FSTL4: variants seen among roughly 807,000 people sequenced by gnomAD.
FSTL4 encodes follistatin-related protein 4.
A neutral mutation model predicts 78.2 loss-of-function variants in FSTL4; 28 were observed. The ratio of observed to expected loss-of-function variants is 0.36; its 90% CI spans 0.27 to 0.49. The LOEUF is 0.49. Ranked by LOEUF, FSTL4 falls within the 20% of genes least tolerant of loss-of-function variation. The pLI is 0.98. For synonymous variants in FSTL4, 422 were observed against 440.5 expected (o/e 0.96, Z 0.53); for missense variants, 922 against 1,084.9 (o/e 0.85, Z 2.11).
chr5:133,830,483 C>T, the FSTL4 span, among the ~76,000 whole-genome samples: 2 of 152,194 alleles, frequency 1.3e-5, no homozygotes, highest in African/African-American at 4.8e-5. Flanking sequence ...CCTCACTGTA[C>T]TCACTCTCCC....
chr5:133,531,056 A>G (rs1759241030), intron 3 of FSTL4, among the ~76,000 whole-genome samples: 1 of 152,170 alleles, frequency 6.6e-6, no homozygotes. Flanking sequence ...GATAGGGCCG[A>G]TATTCTTCTT....
intron 3 of FSTL4, among the ~76,000 whole-genome samples, chr5:133,552,569 T>C (rs1204245024): frequency 1.3e-5 from 2 of 152,230 alleles, no homozygotes; most frequent in Non-Finnish European, 2.9e-5. Context: ...AACTCATTCA[T>C]ATTGAAATAT....
At chr5:133,703,559 C>T in the FSTL4 span, among the ~76,000 whole-genome samples, 1 of 152,196 alleles carries the variant, frequency 6.6e-6, no homozygotes, top group African/African-American at 2.4e-5. Flanking sequence ...ATAGGTTGTG[C>T]AAATGACCAG....
the FSTL4 span, among the ~76,000 whole-genome samples, chr5:133,628,959 A>G: frequency 4.6e-5 from 4 of 86,378 alleles, 1 homozygote; most frequent in African/African-American, 1.8e-4. Context: ...TCCTATTTGA[A>G]TATTTCTTTC....
the FSTL4 span, among the ~76,000 whole-genome samples, chr5:133,626,083 T>TATATATATATATTCCAC: frequency 8.5e-5 from 6 of 70,218 alleles, no homozygotes; most frequent in Non-Finnish European, 1.5e-4. Context: ...ATATATTCCA[T>TATATATATATATTCCAC]ATATATATAT....
At chr5:133,772,489 G>C in the FSTL4 span, among the ~76,000 whole-genome samples, 5 of 152,130 alleles carry the variant, frequency 3.3e-5, no homozygotes, top group Non-Finnish European at 7.4e-5. Context: ...TCTTAGTCCA[G>C]TTTGTGCTGC....
chr5:133,687,216 G>A, the FSTL4 span, among the ~76,000 whole-genome samples: 1 of 152,154 alleles, frequency 6.6e-6, no homozygotes, highest in African/African-American at 2.4e-5. Context: ...CTAAATAGGG[G>A]GGGCATGGGT....
intron 3 of FSTL4, among the ~76,000 whole-genome samples, chr5:133,503,287 C>G (rs1008983966): frequency 6.6e-6 from 1 of 152,118 alleles, no homozygotes; most frequent in Non-Finnish European, 1.5e-5. Flanking sequence ...AACCAGCACT[C>G]CAGGAAGAGG....
At position 133,361,225 on chromosome 5, in the gene FSTL4, T is replaced by C. The variant is rs1015500358; in HGVS notation, c.409+39513A>G. 2.0e-5 allele frequency among the ~76,000 whole-genome samples: 3 copies of C among 152,240 alleles called. No individual in the cohort carries two copies. The highest frequency in any genetic ancestry group is 2.9e-5 in the Non-Finnish European group (2 of 68,036). ...GGGTCGCATTCCGACCCTGCAGTGCTGGCTTCTTTCCAGAGCTTTCTAATG... is the reference window on the plus strand; with the variant it reads ...GGGTCGCATTCCGACCCTGCAGTGCCGGCTTCTTTCCAGAGCTTTCTAATG... On this transcript the variant is annotated intron_variant, in intron 4 of 15. Coordinates refer to ENST00000265342, the MANE Select transcript of FSTL4 (RefSeq NM_015082.2). The surrounding 1 kb of genome is among the most constrained non-coding windows in gnomAD (Gnocchi z 4.3).
intron 3 of FSTL4, among the ~76,000 whole-genome samples, chr5:133,508,259 T>A (rs1758652838): frequency 6.6e-6 from 1 of 152,230 alleles, no homozygotes; most frequent in African/African-American, 2.4e-5. Context: ...TGTTATTAAC[T>A]ATTATTCTGC....
rs113277616 is a variant in FSTL4, at chr5:133,559,652, T to A, written c.160+7534A>T. Among the ~76,000 whole-genome samples, 193 of 152,300 alleles carry A rather than the reference T, an allele frequency of 1.3e-3. 1 individual carries two copies. Among genetic ancestry groups the A allele is most frequent in the Non-Finnish European group, 2.4e-3 (163 of 68,022 alleles). On this transcript the variant is annotated intron_variant, in intron 3 of 15. Coordinates refer to ENST00000265342, the MANE Select transcript of FSTL4 (RefSeq NM_015082.2). ...TATGCCCAAATATTGCAATGCAACC[T>A]CTAAGGAGACCGCTAGGCAAGCACG...
the FSTL4 span, among the ~76,000 whole-genome samples, chr5:133,807,580 A>G: frequency 7.3e-4 from 111 of 152,270 alleles, no homozygotes; most frequent in African/African-American, 2.6e-3. Flanking sequence ...CACCAGCTGA[A>G]TTGTGCCTCT....
chr5:133,199,567 C>T lies in FSTL4; in HGVS notation c.2057G>A (p.Gly686Asp), dbSNP rs1019589650. ...SVTDSVLGPNGDVTGTPHTSP... is the reference protein window; with the variant it reads ...SVTDSVLGPNDDVTGTPHTSP... ...TGTGTGTGGGGTGCCTGTTACATCA[C>T]CATTGGGGCCAAGCACAGAGTCTGT... The change falls in exon 16 of 16, where the codon GGT becomes GAT. Residue 686 changes from glycine (G) to aspartate (D), a missense_variant. Gly to Asp is a moderately conservative substitution (Grantham distance 94, BLOSUM62 -1). Coordinates refer to ENST00000265342, the MANE Select transcript of FSTL4 (RefSeq NM_015082.2). This position sits in a 1 kb window ranked among gnomAD's most constrained non-coding sequence, Gnocchi z 4.4. The T allele has an allele frequency of 6.2e-7, 1 of 1,614,038 alleles. No individual in the cohort carries two copies. The highest frequency in any genetic ancestry group is 8.5e-7 in the Non-Finnish European group (1 of 1,179,916).
At chr5:133,373,878 T>C (rs1755373248) in intron 4 of FSTL4, among the ~76,000 whole-genome samples, 1 of 152,210 alleles carries the variant, frequency 6.6e-6, no homozygotes, top group Non-Finnish European at 1.5e-5. Flanking sequence ...TTGGCTTAAA[T>C]AGAACTGGTC....
intron 3 of FSTL4, among the ~76,000 whole-genome samples, chr5:133,483,868 C>G (rs912008768): frequency 8.5e-5 from 13 of 152,204 alleles, no homozygotes; most frequent in Non-Finnish European, 1.9e-4. Flanking sequence ...GCCCAGCATT[C>G]TGCACTACAG....
At chr5:133,525,795 A>G (rs1285780906) in intron 3 of FSTL4, among the ~76,000 whole-genome samples, 1 of 152,224 alleles carries the variant, frequency 6.6e-6, no homozygotes, top group African/African-American at 2.4e-5. Context: ...GAGGTCCCTC[A>G]GCTGACCAGT....
intron 3 of FSTL4, among the ~76,000 whole-genome samples, chr5:133,517,730 G>T (rs1193487780): frequency 6.6e-6 from 1 of 151,322 alleles, no homozygotes; most frequent in Non-Finnish European, 1.5e-5. Flanking sequence ...GGGTAGGCTG[G>T]CAGGCTAAAG....
At chr5:133,450,740 G>A (rs2127010315) in intron 3 of FSTL4, among the ~76,000 whole-genome samples, 1 of 152,324 alleles carries the variant, frequency 6.6e-6, no homozygotes, top group African/African-American at 2.4e-5. Flanking sequence ...CATCACACCT[G>A]TCATCTTGGT....
the FSTL4 span, among the ~76,000 whole-genome samples, chr5:133,840,724 GA>G: frequency 1.3e-5 from 2 of 152,236 alleles, no homozygotes; most frequent in African/African-American, 4.8e-5. Flanking sequence ...CAGGATTTGA[GA>G]ATGAGGAGTT....
Sources: allele counts gnomAD v4.1 joint callset (sites outside exome capture counted in the v4.1 genomes callset), GRCh38; gene constraint gnomAD v4.1.1; non-coding constraint Gnocchi (gnomAD v3.1); transcripts MANE v1.5; gene names NCBI Gene and HGNC (gene_info 2026-07-23, HGNC 2026-07-21).